ZNF577: variants seen among roughly 807,000 people sequenced by gnomAD.
The protein encoded by ZNF577 is zinc finger protein 577.
ZNF577 carries 14 observed loss-of-function variants against 13.9 expected under a neutral mutation model. The ratio of observed to expected loss-of-function variants is 1.00; its 90% CI spans 0.66 to 1.57. The LOEUF (loss-of-function observed/expected upper bound fraction) is 1.57, where lower values mean the gene tolerates loss of function less well. Among genes scored for constraint, ZNF577 ranks in the 40% most tolerant of loss-of-function variants. The pLI is 0.00. For synonymous variants in ZNF577, 203 were observed against 202.9 expected (o/e 1.00, Z 0.00); for missense variants, 555 against 579.2 (o/e 0.96, Z 0.43).
intron 9 of ZNF577, among the ~76,000 whole-genome samples, chr19:51,815,475 G>A (rs896265218): frequency 2.0e-5 from 3 of 151,634 alleles, no homozygotes; most frequent in Non-Finnish European, 4.4e-5. Context: ...CAGGAGAATT[G>A]CTTGAACTGC....
At chr19:51,864,219 C>A (rs1024015692), downstream of ZNF577, among the ~76,000 whole-genome samples, 4 of 152,154 alleles carry the variant, frequency 2.6e-5, no homozygotes, top group Admixed American at 6.5e-5. Context: ...TAATTTAGAT[C>A]TTTCCATCCT....
Position 51,872,731 on chromosome 19 carries a change from G to A in ZNF577, c.1259C>T (p.Ser420Leu). ...VNTVPIEMPS[S>L]GTPPLLNKSE... ...CTTGTTTAACAATGGCGGGGTTCCT[G>A]AGGAAGGCATTTCTATAGGTACTGT... The change falls in exon 6 of 6, where the codon TCA (serine) becomes TTA (leucine). Residue 420 changes from serine (S) to leucine (L), a missense_variant. Ser to Leu is a moderately radical substitution (Grantham distance 145). Transcript: ENST00000638348. 4 of 1,614,180 alleles carry A rather than the reference G, an allele frequency of 2.5e-6. No homozygotes were observed. The highest frequency in any genetic ancestry group is 3.4e-6 in the Non-Finnish European group (4 of 1,180,028).
rs796368637 is a variant in ZNF577, at chr19:51,857,410, G to GAA, written c.284-12481_284-12480dup. ...AGAAAGAAAGAAAGAAAGAAAGAAA[G>GAA]AAAGAAAGAAAGAAAGAAAAGAAAA... On this transcript the variant is annotated intron_variant and NMD_transcript_variant, in intron 5 of 10. Coordinates refer to the ZNF577 transcript ENST00000638827. Among the ~76,000 whole-genome samples, 8 of 119,838 alleles carry GAA rather than the reference G, an allele frequency of 6.7e-5. 1 individual carries two copies. The highest frequency in any genetic ancestry group is 3.3e-4 in the South Asian group (1 of 3,054). 78.6% of individuals were successfully genotyped at this position (119,838 alleles called of 152,430 possible).
chr19:51,880,258 G>T, intron 3 of ZNF577, 65 bp downstream of exon 3: 1 of 1,528,950 alleles, frequency 6.5e-7, no homozygotes, highest in Non-Finnish European at 9.0e-7. Context: ...TGAGGATACC[G>T]TCAACCACAA....
rs376143153 is a variant in ZNF577, at chr19:51,824,616, T to C, written c.*600-12942A>G. On this transcript the variant is annotated intron_variant and NMD_transcript_variant, in intron 9 of 10. Coordinates refer to the ZNF577 transcript ENST00000638827. This position sits in a 1 kb window ranked among gnomAD's most constrained non-coding sequence, Gnocchi z 4.7. ...TGTCCTGATTAACCCAACAAGCTCC[T>C]TGGCCTTTTTTAACAGCTGCCTCAA... is the stretch of plus-strand genomic sequence containing the variant. The C allele has an allele frequency of 1.5e-5, 25 of 1,614,180 alleles. No homozygotes were observed. Among genetic ancestry groups the C allele is most frequent in the Non-Finnish European group, 2.0e-5 (24 of 1,180,016 alleles).
intron 5 of ZNF577, among the ~76,000 whole-genome samples, chr19:51,876,691 G>C (rs981339577): frequency 6.6e-6 from 1 of 152,110 alleles, no homozygotes; most frequent in African/African-American, 2.4e-5. Context: ...ACTTTGGGAG[G>C]CCAAGGTGGG....
downstream of ZNF577, among the ~76,000 whole-genome samples, chr19:51,864,330 A>G (rs576293080): frequency 7.2e-5 from 11 of 152,268 alleles, no homozygotes; most frequent in Admixed American, 3.3e-4. Context: ...TCTGATGTTT[A>G]TTTTAATGTT....
chr19:51,881,611 C>T lies in ZNF577; in HGVS notation c.-218-734G>A, dbSNP rs1169536548. On this transcript the variant is annotated intron_variant, in intron 1 of 5. Transcript: ENST00000638348. ...TGGGGTCTCTCCCTTGTGATACTTC[C>T]CTCCTACAACAGCCTTACAGTGCAA... Among the ~76,000 whole-genome samples, 10 of 152,128 alleles carry T rather than the reference C, an allele frequency of 6.6e-5. 1 individual carries two copies. The highest frequency in any genetic ancestry group is 5.9e-4 in the Admixed American group (9 of 15,266).
intron 4 of ZNF577, chr19:51,877,622 G>A: frequency 2.8e-6 from 1 of 355,336 alleles, no homozygotes. Context: ...AATAACAATT[G>A]TTGGCAAAGA....
At chr19:51,822,738 A>G (rs1418032196) in intron 9 of ZNF577, among the ~76,000 whole-genome samples, 3 of 152,250 alleles carry the variant, frequency 2.0e-5, no homozygotes, top group Admixed American at 1.3e-4. Context: ...TTTATCCCAC[A>G]GACCTTGAAG....
chr19:51,859,252 T>C (rs1179758065), intron 5 of ZNF577, among the ~76,000 whole-genome samples: 1 of 152,216 alleles, frequency 6.6e-6, no homozygotes, highest in African/African-American at 2.4e-5. Flanking sequence ...TGATAGGCAT[T>C]TGAGTTTTTT....
chr19:51,809,747 A>G (rs2122440476), intron 10 of ZNF577, among the ~76,000 whole-genome samples: 1 of 152,246 alleles, frequency 6.6e-6, no homozygotes, highest in Admixed American at 6.5e-5. Context: ...GGGAACTTTG[A>G]TGGGTTTGTC....
intron 5 of ZNF577, among the ~76,000 whole-genome samples, chr19:51,847,950 G>A (rs2084361639): frequency 6.6e-6 from 1 of 152,166 alleles, no homozygotes; most frequent in African/African-American, 2.4e-5. Context: ...CTACAGACGC[G>A]GATCCCGGTC....
chr19:51,808,093 G>A lies in ZNF577; in HGVS notation c.*818-2839C>T, dbSNP rs115064530. Among the ~76,000 whole-genome samples, 569 of 152,320 alleles carry A rather than the reference G, an allele frequency of 3.7e-3. 1 individual carries two copies. The highest frequency in any genetic ancestry group is 9.5e-3 in the African/African-American group (393 of 41,566). ...CTCTGCTGTAACATTTGCTCTACAA[G>A]CTGTAATTTGGCTTCTGCCTCTTTA... On this transcript the variant is annotated intron_variant and NMD_transcript_variant, in intron 10 of 10. Coordinates refer to the ZNF577 transcript ENST00000638827.
At chr19:51,878,343 CA>C (rs780286868) in intron 4 of ZNF577, 45 bp downstream of exon 4, 2 of 1,602,168 alleles carry the variant, frequency 1.2e-6, no homozygotes, top group South Asian at 2.2e-5. Context: ...GTACAGTGGT[CA>C]CCAAATAAGA....
intron 10 of ZNF577, among the ~76,000 whole-genome samples, chr19:51,806,425 C>CCAAT (rs2122427041): frequency 6.6e-6 from 1 of 152,312 alleles, no homozygotes; most frequent in South Asian, 2.1e-4. Flanking sequence ...CTAACACTTG[C>CCAAT]CAATGTCTTT....
In ZNF577 at chr19:51,869,250, G is replaced by A. The variant is rs978707781; in HGVS notation, c.*3282C>T. On this transcript the variant is annotated 3_prime_UTR_variant, in exon 6 of 6. Coordinates refer to ENST00000638348, the MANE Select transcript of ZNF577 (RefSeq NM_001370449.1). Reference sequence around the variant, plus strand: ...GAATGTCTTGGTGTGAAACCCAATCGTACATTCTATTTGCTGAGATAGGAG... The same window carrying A: ...GAATGTCTTGGTGTGAAACCCAATCATACATTCTATTTGCTGAGATAGGAG... Among the ~76,000 whole-genome samples the A allele has an allele frequency of 2.6e-5, 4 of 152,194 alleles. No individual in the cohort carries two copies. Among genetic ancestry groups the A allele is most frequent in the Non-Finnish European group, 4.4e-5 (3 of 68,030 alleles).
chr19:51,863,444 A>G (rs975036079), downstream of ZNF577, among the ~76,000 whole-genome samples: 1 of 152,256 alleles, frequency 6.6e-6, no homozygotes, highest in Non-Finnish European at 1.5e-5. Flanking sequence ...TACTATATCA[A>G]TGTCAATATT....
intron 9 of ZNF577, among the ~76,000 whole-genome samples, chr19:51,820,474 G>C (rs2084180130): frequency 6.6e-6 from 1 of 152,182 alleles, no homozygotes; most frequent in African/African-American, 2.4e-5. Flanking sequence ...ATCATCTCTG[G>C]TCCACGGTTC....
Sources: gnomAD v4.1 joint callset for allele counts (sites outside exome capture counted in the v4.1 genomes callset) on GRCh38, gnomAD v4.1.1 for gene constraint, Gnocchi (gnomAD v3.1) non-coding constraint, MANE v1.5 for transcripts, NCBI Gene and HGNC (gene_info 2026-07-23, HGNC 2026-07-21) for gene names.